MCC: variants seen among roughly 807,000 people sequenced by gnomAD.
MCC encodes colorectal mutant cancer protein.
A neutral mutation model predicts 116.2 loss-of-function variants in MCC; 90 were observed. The ratio of observed to expected loss-of-function variants is 0.77; its 90% CI spans 0.65 to 0.92. MCC has a LOEUF of 0.92. MCC is among the 40% of genes least tolerant of loss of function. MCC has a pLI of 0.00. For synonymous variants in MCC, 578 were observed against 510.5 expected (o/e 1.13, Z -1.78); for missense variants, 1,516 against 1,312.2 (o/e 1.16, Z -2.40).
chr5:113,370,340 T>C (rs1768806120), intron 2 of MCC, among the ~76,000 whole-genome samples: 1 of 152,238 alleles, frequency 6.6e-6, no homozygotes, highest in African/African-American at 2.4e-5. Context: ...CCTGTTCTTC[T>C]TTGACATCCC....
intron 3 of MCC, among the ~76,000 whole-genome samples, chr5:113,174,780 G>C (rs1761244336): frequency 6.6e-6 from 1 of 151,876 alleles, no homozygotes; most frequent in South Asian, 2.1e-4. Flanking sequence ...TAGAGATGAG[G>C]GTCTCCCTAT....
intron 3 of MCC, among the ~76,000 whole-genome samples, chr5:113,179,354 C>T (rs1332737832): frequency 3.9e-5 from 6 of 152,178 alleles, no homozygotes; most frequent in Admixed American, 3.3e-4. Flanking sequence ...GCACAGGGAA[C>T]ATTTGTCTTC....
At position 113,278,405 on chromosome 5, in the gene MCC, G is replaced by A. The variant is rs143251423; in HGVS notation, c.627+62114C>T. ...TGGTGAATAACAGCCATTGTGGTAC[G>A]AAATACCAAGTCCTCAGGCCTTTAC... On this transcript the variant is annotated intron_variant, in intron 3 of 18. Coordinates refer to ENST00000408903, the MANE Select transcript of MCC (RefSeq NM_001085377.2). Among the ~76,000 whole-genome samples, 22 of 152,270 alleles carry A rather than the reference G, an allele frequency of 1.4e-4. No homozygotes were observed. The East Asian group carries it at 3.9e-3, about 27-fold the overall frequency.
At chr5:113,207,197 A>C (rs1762948007) in intron 3 of MCC, among the ~76,000 whole-genome samples, 1 of 152,152 alleles carries the variant, frequency 6.6e-6, no homozygotes, top group African/African-American at 2.4e-5. Context: ...CGTATTTGAG[A>C]CCAGACCTCA....
At chr5:113,455,864 T>G (rs1771528330) in intron 1 of MCC, among the ~76,000 whole-genome samples, 1 of 152,178 alleles carries the variant, frequency 6.6e-6, no homozygotes. Flanking sequence ...TATTCAGAAT[T>G]GCAGATAAAG....
intron 3 of MCC, among the ~76,000 whole-genome samples, chr5:113,285,563 G>C (rs1325972881): frequency 6.6e-6 from 1 of 152,028 alleles, no homozygotes; most frequent in African/African-American, 2.4e-5. Context: ...AGCATAGCAA[G>C]AGTGCCCTGG....
chr5:113,046,742 C>G (rs935450943), intron 16 of MCC, among the ~76,000 whole-genome samples: 1 of 136,866 alleles, frequency 7.3e-6, no homozygotes, highest in Non-Finnish European at 1.5e-5. Context: ...TTGTATGGAA[C>G]CTCATCTTCC....
chr5:113,400,016 A>G (rs532039090), intron 1 of MCC: 1 of 151,852 alleles, frequency 6.6e-6, no homozygotes, highest in South Asian at 2.1e-4. Context: ...TATTATGTTT[A>G]CATGTTTTTT....
At chr5:113,107,217 T>TC (rs1418904786) in intron 6 of MCC, among the ~76,000 whole-genome samples, 4 of 148,884 alleles carry the variant, frequency 2.7e-5, no homozygotes, top group Admixed American at 6.6e-5. Context: ...TCTTTTTTTT[T>TC]TTTCTTTTTT....
At chr5:113,201,961 G>GACCCCACA (rs1561453658) in intron 3 of MCC, among the ~76,000 whole-genome samples, 1 of 152,022 alleles carries the variant, frequency 6.6e-6, no homozygotes, top group African/African-American at 2.4e-5. Flanking sequence ...AGCAAGGAAC[G>GACCCCACA]ACCCCACAAC....
intron 1 of MCC, among the ~76,000 whole-genome samples, chr5:113,421,674 C>T (rs1373161202): frequency 6.6e-6 from 1 of 152,212 alleles, no homozygotes; most frequent in African/African-American, 2.4e-5. Flanking sequence ...TCCTGTGACT[C>T]TGTTCTACCA....
chr5:113,224,305 C>T (rs1449420651), intron 3 of MCC, among the ~76,000 whole-genome samples: 1 of 152,180 alleles, frequency 6.6e-6, no homozygotes, highest in African/African-American at 2.4e-5. Flanking sequence ...GTTGGCCAGA[C>T]TGGTCTGGAA....
chr5:113,156,616 CT>C (rs1249805377), intron 3 of MCC, among the ~76,000 whole-genome samples: 1 of 152,192 alleles, frequency 6.6e-6, no homozygotes, highest in Non-Finnish European at 1.5e-5. Context: ...TCTTAGTTCT[CT>C]GTGAAATTTT....
At chr5:113,138,033 T>G (rs1758942860) in intron 5 of MCC, among the ~76,000 whole-genome samples, 1 of 40,422 alleles carries the variant, frequency 2.5e-5, no homozygotes, top group African/African-American at 5.4e-5. Context: ...CGTCCCAAAA[T>G]TCTTTTTTTT....
intron 1 of MCC, among the ~76,000 whole-genome samples, chr5:113,457,907 A>G (rs1162251804): frequency 1.3e-5 from 2 of 151,498 alleles, no homozygotes; most frequent in African/African-American, 4.9e-5. Context: ...GAATGCACCA[A>G]TCGACACTCT....
chr5:113,221,085 T>C (rs1362675534), intron 3 of MCC, among the ~76,000 whole-genome samples: 1 of 152,166 alleles, frequency 6.6e-6, no homozygotes, highest in African/African-American at 2.4e-5. Context: ...ATGCCTGTGG[T>C]CCCAGCTACT....
At chr5:113,156,614 C>G (rs1209336774) in intron 3 of MCC, among the ~76,000 whole-genome samples, 4 of 152,176 alleles carry the variant, frequency 2.6e-5, no homozygotes, top group Non-Finnish European at 5.9e-5. Context: ...GCTCTTAGTT[C>G]TCTGTGAAAT....
intron 3 of MCC, among the ~76,000 whole-genome samples, chr5:113,241,261 G>T (rs897283230): frequency 1.3e-5 from 2 of 152,112 alleles, no homozygotes; most frequent in African/African-American, 4.8e-5. Flanking sequence ...TGACTAAAAT[G>T]ATAGCAAATA....
chr5:113,106,490 C>A (rs1431527751), intron 6 of MCC, among the ~76,000 whole-genome samples: 1 of 152,144 alleles, frequency 6.6e-6, no homozygotes, highest in Non-Finnish European at 1.5e-5. Context: ...AGGTTCCTTT[C>A]CTTTGCTGTT....
Sources: gnomAD v4.1 joint callset for allele counts (sites outside exome capture counted in the v4.1 genomes callset) on GRCh38, gnomAD v4.1.1 for gene constraint, MANE v1.5 for transcripts, NCBI Gene and HGNC (gene_info 2026-07-23, HGNC 2026-07-21) for gene names.